The following ADAMTS13 variants were observed in gnomAD, a reference collection of about 807,000 sequenced individuals.
The protein encoded by ADAMTS13 is ADAM metallopeptidase with thrombospondin type 1 motif 13.
In ADAMTS13, 110 loss-of-function variants were observed where a neutral mutation model predicts 155.1. That is an observed-to-expected ratio of 0.71 (90% CI 0.61 to 0.83). The LOEUF (loss-of-function observed/expected upper bound fraction) is 0.83. Ranked by LOEUF, ADAMTS13 falls within the 40% of genes least tolerant of loss-of-function variation. The pLI, the probability that ADAMTS13 is intolerant of heterozygous loss-of-function variation, is 0.00. For synonymous variants in ADAMTS13, 758 were observed against 756.4 expected, an observed-to-expected ratio of 1.00 and a Z score of -0.03; for missense variants, 1,707 against 1,891.7, an observed-to-expected ratio of 0.90 and a Z score of 1.81.
Position 133,456,523 on chromosome 9 carries a change from A to G in ADAMTS13, c.3548-20A>G. On this transcript the variant is annotated intron_variant, in intron 26 of 28. Coordinates refer to ENST00000355699, the MANE Select transcript of ADAMTS13 (RefSeq NM_139027.6). The surrounding 1 kb of genome is among the most constrained non-coding windows in gnomAD (Gnocchi z 4.4). ...CCAGGCGTGGGAGTGCTGGACCCTC[A>G]CTGCCCTGCCGCTTCCTAGGGGACA... The G allele has an allele frequency of 6.2e-7, 1 of 1,611,358 alleles. No individual in the cohort carries two copies. The highest frequency in any genetic ancestry group is 8.5e-7 in the Non-Finnish European group (1 of 1,179,428).
chr9:133,436,131 T>C (rs1841193913), intron 11 of ADAMTS13, among the ~76,000 whole-genome samples: 1 of 152,000 alleles, frequency 6.6e-6, no homozygotes, highest in Non-Finnish European at 1.5e-5. Flanking sequence ...TTCTGTTTTT[T>C]GATTTTGGCC....
intron 22 of ADAMTS13, among the ~76,000 whole-genome samples, chr9:133,449,014 C>T (rs1341247818): frequency 6.6e-6 from 1 of 152,242 alleles, no homozygotes; most frequent in African/African-American, 2.4e-5. Flanking sequence ...TTCCTCACCT[C>T]CAAGCCAGAC....
chr9:133,456,715 C>T lies in ADAMTS13; in HGVS notation c.3720C>T (p.Tyr1240=). The T allele has an allele frequency of 1.9e-6, 3 of 1,562,006 alleles. No individual in the cohort carries two copies. The highest frequency in any genetic ancestry group is 2.6e-6 in the Non-Finnish European group (3 of 1,152,392). The change falls in exon 27 of 29, where the codon TAC becomes TAT. Residue 1240 remains tyrosine (Y), a synonymous_variant. Coordinates refer to ENST00000355699, the MANE Select transcript of ADAMTS13 (RefSeq NM_139027.6). This position sits in a 1 kb window ranked among gnomAD's most constrained non-coding sequence, Gnocchi z 4.4. The part of the protein sequence containing the change: ...YGSQLAPETF[Y]RECDMQLFGP... Reference sequence around the variant, plus strand: ...GCCAGCTTGCTCCTGAAACCTTCTACAGAGGTATGGCCAGGCCTTCTCCAC... The same window carrying T: ...GCCAGCTTGCTCCTGAAACCTTCTATAGAGGTATGGCCAGGCCTTCTCCAC...
rs1554784929 is a variant in ADAMTS13, at chr9:133,425,266, C to T, written c.331-263C>T. On this transcript the variant is annotated intron_variant, in intron 3 of 28. Coordinates refer to ENST00000355699, the MANE Select transcript of ADAMTS13 (RefSeq NM_139027.6). The surrounding 1 kb of genome is among the most constrained non-coding windows in gnomAD (Gnocchi z 4.6). ...TTGACCGGAATATCCGACTCGTGAC[C>T]ATCTGTGTGCTCTCATCCCCTTGCT... 6.6e-6 allele frequency among the ~76,000 whole-genome samples: 1 copy of T among 152,240 alleles called. No homozygotes were observed. Among genetic ancestry groups the T allele is most frequent in the East Asian group, 1.9e-4 (1 of 5,198 alleles).
intron 19 of ADAMTS13, among the ~76,000 whole-genome samples, chr9:133,444,568 A>C (rs1252854037): frequency 6.6e-6 from 1 of 151,988 alleles, no homozygotes; most frequent in Non-Finnish European, 1.5e-5. Context: ...CAGCCTCCTA[A>C]AGTGCTGAGC....
chr9:133,430,158 C>T (rs1840642603), intron 8 of ADAMTS13, 57 bp downstream of exon 8: 3 of 1,539,674 alleles, frequency 1.9e-6, no homozygotes, highest in African/African-American at 2.7e-5. Flanking sequence ...CATCACCCAG[C>T]TCACGTCCCC....
At chr9:133,421,685 CAGG>C (rs782503636), upstream of ADAMTS13, among the ~76,000 whole-genome samples, 3 of 152,104 alleles carry the variant, frequency 2.0e-5, no homozygotes, top group African/African-American at 7.2e-5. Flanking sequence ...ACTAACGATG[CAGG>C]AGGAGAGAGC....
At chr9:133,426,808 CT>C (rs36219249) in intron 6 of ADAMTS13, among the ~76,000 whole-genome samples, 45,939 of 145,696 alleles carry the variant, frequency 0.32, 8,744 homozygotes, top group Non-Finnish European at 0.43. Flanking sequence ...CTTTTCTTTT[CT>C]TTTTTTTTTT....
At chr9:133,434,270 A>G (rs1236940621) in intron 11 of ADAMTS13, among the ~76,000 whole-genome samples, 1 of 152,094 alleles carries the variant, frequency 6.6e-6, no homozygotes. Context: ...CTAGGAATAC[A>G]GTGCGCTGCT....
chr9:133,426,149 G>A (rs1564409538), intron 5 of ADAMTS13, 50 bp from the exon 6 acceptor site: 2 of 1,613,960 alleles, frequency 1.2e-6, no homozygotes, highest in African/African-American at 2.7e-5. Flanking sequence ...GTGACCCCAG[G>A]GCAGGCACGT....
rs1488103393 is a variant in ADAMTS13, at chr9:133,425,238, C to T, written c.331-291C>T. ...GGAGCCTGCGATCTGAGAGGAGCAG[C>T]GTTTGACCGGAATATCCGACTCGTG... On this transcript the variant is annotated intron_variant, in intron 3 of 28. Transcript: ENST00000355699. This position sits in a 1 kb window ranked among gnomAD's most constrained non-coding sequence, Gnocchi z 4.6. Among the ~76,000 whole-genome samples the T allele has an allele frequency of 6.6e-6, 1 of 152,210 alleles. No homozygotes were observed. Among genetic ancestry groups the T allele is most frequent in the Non-Finnish European group, 1.5e-5 (1 of 68,040 alleles).
chr9:133,458,900 T>C, intron 28 of ADAMTS13, 74 bp from the exon 29 acceptor site: 1 of 1,336,752 alleles, frequency 7.5e-7, no homozygotes, highest in Non-Finnish European at 1.1e-6. Flanking sequence ...CTGTGAGCCC[T>C]TGCACACGAA....
At chr9:133,427,902 A>G (rs1840388632) in intron 6 of ADAMTS13, among the ~76,000 whole-genome samples, 2 of 152,216 alleles carry the variant, frequency 1.3e-5, no homozygotes, top group Non-Finnish European at 2.9e-5. Flanking sequence ...GTCATGGAAA[A>G]GGGGCAGTAA....
chr9:133,449,443 C>CT (rs1842289888), intron 22 of ADAMTS13, among the ~76,000 whole-genome samples: 1 of 118,672 alleles, frequency 8.4e-6, no homozygotes, highest in Admixed American at 9.3e-5. Context: ...GAGGGGAGGG[C>CT]TGGCGGGGTG....
At chr9:133,433,845 C>T in intron 11 of ADAMTS13, 141 bp downstream of exon 11, 1 of 1,057,380 alleles carries the variant, frequency 9.5e-7, no homozygotes, top group Middle Eastern at 2.9e-4. Flanking sequence ...CCTGTAATCC[C>T]AGCACTTTGG....
intron 19 of ADAMTS13, among the ~76,000 whole-genome samples, chr9:133,444,315 T>C (rs1056261331): frequency 2.0e-5 from 3 of 151,898 alleles, no homozygotes; most frequent in African/African-American, 7.3e-5. Context: ...TGGCTGGAGG[T>C]CGGCCTCTGC....
Position 133,441,200 on chromosome 9 carries a change from T to C in ADAMTS13, c.1968+675T>C, listed in dbSNP as rs1014003138. ...GCAGGCTGAAACAGACCTGAGAACC[T>C]TGGGAGAGGGGCCCAGTCTCAGCGG... On this transcript the variant is annotated intron_variant, in intron 16 of 28. Transcript: ENST00000355699. This position sits in a 1 kb window ranked among gnomAD's most constrained non-coding sequence, Gnocchi z 5.0. 2.0e-5 allele frequency among the ~76,000 whole-genome samples: 3 copies of C among 152,096 alleles called. No individual in the cohort carries two copies. The highest frequency in any genetic ancestry group is 7.2e-5 in the African/African-American group (3 of 41,410).
At chr9:133,426,808 C>CT (rs36219249) in intron 6 of ADAMTS13, among the ~76,000 whole-genome samples, 243 of 145,882 alleles carry the variant, frequency 1.7e-3, no homozygotes, top group Middle Eastern at 3.4e-3. Context: ...CTTTTCTTTT[C>CT]TTTTTTTTTT....
chr9:133,429,739 C>G (rs1233472366), intron 7 of ADAMTS13, 200 bp from the exon 8 acceptor site: 8 of 766,138 alleles, frequency 1.0e-5, no homozygotes, highest in Non-Finnish European at 1.8e-5. Context: ...TGGCCACCCA[C>G]CTCTGCGCCG....
Sources: allele counts gnomAD v4.1 joint callset (sites outside exome capture counted in the v4.1 genomes callset), GRCh38; gene constraint gnomAD v4.1.1; non-coding constraint Gnocchi (gnomAD v3.1); transcripts MANE v1.5; gene names NCBI Gene and HGNC (gene_info 2026-07-23, HGNC 2026-07-21).